The following ACSM3 variants were observed in gnomAD, a reference collection of about 807,000 sequenced individuals.
The protein encoded by ACSM3 is acyl-coenzyme A synthetase ACSM3, mitochondrial.
ACSM3 carries 61 observed loss-of-function variants against 74.1 expected under a neutral mutation model. The ratio of observed to expected loss-of-function variants is 0.82; its 90% CI spans 0.67 to 1.02. The LOEUF (loss-of-function observed/expected upper bound fraction) is 1.02. Among genes scored for constraint, ACSM3 ranks in the 50% least tolerant of loss-of-function variants. The pLI is 0.00. For synonymous variants in ACSM3, 213 were observed against 241.5 expected (o/e 0.88, Z 1.09); for missense variants, 660 against 697.0 (o/e 0.95, Z 0.60).
intron 1 of ACSM3, among the ~76,000 whole-genome samples, chr16:20,701,910 T>C (rs1286045686): frequency 6.6e-6 from 1 of 152,254 alleles, no homozygotes; most frequent in Non-Finnish European, 1.5e-5. Context: ...CCATGGTGTA[T>C]ATGTGCCACT....
chr16:20,712,353 A>G (rs1440651498), intron 1 of ACSM3, among the ~76,000 whole-genome samples: 3 of 152,156 alleles, frequency 2.0e-5, no homozygotes, highest in Admixed American at 2.0e-4. Flanking sequence ...GAAAGCAGAG[A>G]CTTTGATTGA....
intron 1 of ACSM3, chr16:20,741,481 G>GGGGGGGGGGGGCCCC: frequency 1.9e-5 from 25 of 1,308,408 alleles, no homozygotes; most frequent in Non-Finnish European, 2.5e-5. Context: ...CTGGCAGCCG[G>GGGGGGGGGGGGCCCC]CCCGCCCGCC....
intron 1 of ACSM3, chr16:20,738,896 C>T (rs373262312): frequency 1.9e-6 from 3 of 1,613,898 alleles, no homozygotes; most frequent in South Asian, 1.1e-5. Flanking sequence ...ATTTGTCACA[C>T]CTATCCCAAG....
At chr16:20,765,955 T>C (rs1282377990) in intron 1 of ACSM3, among the ~76,000 whole-genome samples, 1 of 152,180 alleles carries the variant, frequency 6.6e-6, no homozygotes, top group Non-Finnish European at 1.5e-5. Context: ...ACTATATGTG[T>C]CTTTCTATGA....
In ACSM3 at chr16:20,775,937, A is replaced by G; in HGVS notation, c.318A>G (p.Lys106=). ...SFEELGSLSR[K]FANILSEACS... ...AGGAACTGGGATCTCTGTCCAGAAAATTTGCCAATATACTTTCAGAAGCCT... is the reference window on the plus strand; with the variant it reads ...AGGAACTGGGATCTCTGTCCAGAAAGTTTGCCAATATACTTTCAGAAGCCT... The change falls in exon 3 of 14, where the codon AAA becomes AAG. Residue 106 remains lysine, a synonymous_variant. Coordinates refer to ENST00000289416, the MANE Select transcript of ACSM3 (RefSeq NM_005622.4). The G allele has an allele frequency of 2.5e-6, 4 of 1,614,126 alleles. No individual in the cohort carries two copies. The highest frequency in any genetic ancestry group is 2.5e-6 in the Non-Finnish European group (3 of 1,180,026).
chr16:20,770,015 T>C lies in ACSM3; in HGVS notation c.-20T>C, dbSNP rs771543092. 6.2e-7 allele frequency: 1 copy of C among 1,613,334 alleles called. No homozygotes were observed. Among genetic ancestry groups the C allele is most frequent in the Non-Finnish European group, 8.5e-7 (1 of 1,179,270 alleles). On this transcript the variant is annotated 5_prime_UTR_variant, in exon 2 of 14. Coordinates refer to ENST00000289416, the MANE Select transcript of ACSM3 (RefSeq NM_005622.4). Reference sequence around the variant, plus strand: ...TGGTCTCTGTGCAAATCCTGAGTGCTAAAGCTTCCAACAAGACTGATGCTA... The same window carrying C: ...TGGTCTCTGTGCAAATCCTGAGTGCCAAAGCTTCCAACAAGACTGATGCTA...
At position 20,722,580 on chromosome 16, in the gene ACSM3, C is replaced by T. The variant is rs541963288; in HGVS notation, c.-189-27330C>T. On this transcript the variant is annotated intron_variant, in intron 1 of 3. Transcript: ENST00000561584. ...CTGATTTCTGCATTTACTCAACTTA[C>T]TCAAAAAACTGATATATTTCATAGA... is the stretch of plus-strand genomic sequence containing the variant. Among the ~76,000 whole-genome samples the T allele has an allele frequency of 2.0e-5, 3 of 152,248 alleles. No individual in the cohort carries two copies. The East Asian group carries it at 5.8e-4, about 29-fold the overall frequency.
At chr16:20,720,028 C>T (rs1052254157) in intron 1 of ACSM3, among the ~76,000 whole-genome samples, 1 of 152,098 alleles carries the variant, frequency 6.6e-6, no homozygotes, top group Non-Finnish European at 1.5e-5. Context: ...CAAACTACAC[C>T]TATGTGTGAA....
chr16:20,765,443 T>A (rs2080115354), intron 1 of ACSM3, among the ~76,000 whole-genome samples: 1 of 152,212 alleles, frequency 6.6e-6, no homozygotes, highest in African/African-American at 2.4e-5. Context: ...AATTTTCTTT[T>A]CAACATACGT....
rs376043595 is a variant in ACSM3 at position 20,682,373 on chromosome 16, A to G, written c.-190+7551A>G. The stretch of plus-strand genomic sequence containing the variant: ...GTCCACCTCTGAGGCAAGGGCATCT[A>G]TGGTCACAATGCCCTTGGCTTTAGA... On this transcript the variant is annotated intron_variant, in intron 1 of 3. Transcript: ENST00000561584. The G allele has an allele frequency of 8.0e-5, 129 of 1,613,812 alleles. No individual in the cohort carries two copies. Among genetic ancestry groups the G allele is most frequent in the Non-Finnish European group, 1.0e-4 (121 of 1,179,844 alleles).
rs957984770 is a variant in ACSM3 at position 20,694,206 on chromosome 16, T to A, written c.-190+19384T>A. 5.3e-5 allele frequency among the ~76,000 whole-genome samples: 8 copies of A among 152,344 alleles called. No homozygotes were observed. The South Asian group carries it at 1.7e-3, about 32-fold the overall frequency. On this transcript the variant is annotated intron_variant, in intron 1 of 3. Coordinates refer to the ACSM3 transcript ENST00000561584. ...TAAGTTGCTAGCCAATCGGGACAAA[T>A]ACAGAATGTGAGGTCCCGTTCCAGC... is the stretch of plus-strand genomic sequence containing the variant.
intron 1 of ACSM3, among the ~76,000 whole-genome samples, chr16:20,739,664 T>C (rs757601354): frequency 1.3e-5 from 2 of 151,516 alleles, no homozygotes; most frequent in African/African-American, 4.8e-5. Flanking sequence ...CTACTAAAAA[T>C]ACAAAAATTA....
intron 1 of ACSM3, chr16:20,719,249 C>T (rs2079777292): frequency 5.1e-6 from 1 of 196,946 alleles, no homozygotes; most frequent in African/African-American, 2.3e-5. Context: ...TATCTAAGTC[C>T]TCAGATAGCA....
At chr16:20,776,521 G>A (rs2080257702) in intron 3 of ACSM3, among the ~76,000 whole-genome samples, 1 of 152,160 alleles carries the variant, frequency 6.6e-6, no homozygotes, top group African/African-American at 2.4e-5. Flanking sequence ...ACTTAAGGGT[G>A]GTGGGGCCCA....
chr16:20,797,339 C>G lies in ACSM3; in HGVS notation c.*367C>G. The G allele has an allele frequency of 9.9e-7, 1 of 1,005,250 alleles. No individual in the cohort carries two copies. The highest frequency in any genetic ancestry group is 1.2e-6 in the Non-Finnish European group (1 of 843,072). The allele number at this position is 1,005,250 out of a possible 1,614,324, so 62.3% of individuals were successfully genotyped here. A position where few individuals can be genotyped will look rare whatever the true frequency, so the allele number is the denominator to read the frequency against. On this transcript the variant is annotated 3_prime_UTR_variant, in exon 14 of 14. Transcript: ENST00000289416. Reference sequence around the variant, plus strand: ...ATACAAATCAGAACCAATGTTCAAGCCTGAAATAAAACTAAAGAACTTATA... The same window carrying G: ...ATACAAATCAGAACCAATGTTCAAGGCTGAAATAAAACTAAAGAACTTATA...
intron 1 of ACSM3, among the ~76,000 whole-genome samples, chr16:20,684,025 G>GA (rs2079502163): frequency 6.6e-6 from 1 of 152,138 alleles, no homozygotes; most frequent in Admixed American, 6.5e-5. Context: ...CGGAGAGAGA[G>GA]AAAATATGAT....
chr16:20,701,230 C>T (rs2079711931), intron 1 of ACSM3, among the ~76,000 whole-genome samples: 1 of 152,134 alleles, frequency 6.6e-6, no homozygotes, highest in African/African-American at 2.4e-5. Flanking sequence ...GTTTTTCCTG[C>T]TTATAGGCTG....
chr16:20,753,071 T>C (rs2080000607), intron 2 of ACSM3, among the ~76,000 whole-genome samples: 1 of 151,968 alleles, frequency 6.6e-6, no homozygotes, highest in South Asian at 2.1e-4. Flanking sequence ...ATGGAATTTA[T>C]AGATTAAAAA....
chr16:20,749,648 A>C (rs1183003520), intron 1 of ACSM3: 1 of 152,428 alleles, frequency 6.6e-6, no homozygotes, highest in Non-Finnish European at 1.5e-5. Flanking sequence ...GCAGGGGTGG[A>C]GGACAGCAGA....
Sources: allele counts gnomAD v4.1 joint callset (sites outside exome capture counted in the v4.1 genomes callset), GRCh38; gene constraint gnomAD v4.1.1; transcripts MANE v1.5; gene names NCBI Gene and HGNC (gene_info 2026-07-23, HGNC 2026-07-21).